The following AP3B2 variants were observed in gnomAD, a reference collection of about 807,000 sequenced individuals.
AP3B2 encodes the protein AP-3 complex subunit beta-2.
Under a neutral mutation model 126.9 loss-of-function variants are expected in AP3B2, and 50 were observed. That is an observed-to-expected ratio of 0.39 (90% CI 0.31 to 0.50). AP3B2 has a LOEUF of 0.50. Among genes scored for constraint, AP3B2 ranks in the 20% least tolerant of loss-of-function variants. The pLI, the probability that AP3B2 is intolerant of heterozygous loss-of-function variation, is 0.79. For missense variants in AP3B2, 1,177 were observed against 1,426.4 expected (o/e 0.83, Z 2.82); for synonymous variants, 541 against 565.0 (o/e 0.96, Z 0.60).
chr15:82,689,978 CAA>C (rs2048498141), intron 1 of AP3B2: 2 of 154,424 alleles, frequency 1.3e-5, no homozygotes, highest in East Asian at 1.9e-4. Context: ...ACACAAAAAA[CAA>C]AAGACAGCCA....
chr15:82,673,001 C>T (rs1439659620), intron 14 of AP3B2, among the ~76,000 whole-genome samples: 2 of 152,182 alleles, frequency 1.3e-5, no homozygotes, highest in Non-Finnish European at 2.9e-5. Context: ...CCAGTACAGC[C>T]TCCAGATAAA....
rs1263488273 is a variant in AP3B2 at position 82,681,822 on chromosome 15, A to G, written c.361-242T>C. ...GGTAGCTTCACTTCCAGAAACACTG[A>G]AAAACTTTCAGAACACCTAAAATTG... On this transcript the variant is annotated intron_variant, in intron 4 of 26. Coordinates refer to ENST00000535359, the MANE Select transcript of AP3B2 (RefSeq NM_001278512.2). The surrounding 1 kb of genome is among the most constrained non-coding windows in gnomAD (Gnocchi z 4.0). Among the ~76,000 whole-genome samples the G allele has an allele frequency of 6.6e-6, 1 of 152,144 alleles. No homozygotes were observed. The highest frequency in any genetic ancestry group is 1.5e-5 in the Non-Finnish European group (1 of 68,030).
At position 82,666,755 on chromosome 15, in the gene AP3B2, G is replaced by T. The variant is rs2048066426; in HGVS notation, c.1844C>A (p.Ser615Tyr). The change falls in exon 15 of 27, where the codon TCC (serine) becomes TAC (tyrosine). Residue 615 changes from serine (S) to tyrosine (Y), a missense_variant. By Grantham distance (144) the Ser-to-Tyr change is moderately radical. This residue lies in a region of AP3B2 where 308 missense variants were observed against 452.4 expected (regional missense o/e 0.68). Transcript: ENST00000535359. ...TTGATTTCAGCTCCCACCTTTGAAG[G>T]ATGACTCCAAGACTGGAGCTGGTTT... ...APKPAPVLES[S>Y]FKDRDHFQLG... 1.2e-6 allele frequency: 2 copies of T among 1,613,456 alleles called. No individual in the cohort carries two copies. Among genetic ancestry groups the T allele is most frequent in the Non-Finnish European group, 1.7e-6 (2 of 1,179,576 alleles).
intron 14 of AP3B2, among the ~76,000 whole-genome samples, chr15:82,667,686 C>G (rs1447524434): frequency 6.6e-6 from 1 of 152,230 alleles, no homozygotes; most frequent in Non-Finnish European, 1.5e-5. Flanking sequence ...CAACTCTGTG[C>G]TAGGTGCTCC....
intron 14 of AP3B2, among the ~76,000 whole-genome samples, chr15:82,670,339 ACTTCAGGTGATCCAC>A (rs2048135704): frequency 1.3e-5 from 2 of 152,078 alleles, no homozygotes; most frequent in African/African-American, 2.4e-5. Flanking sequence ...TGAACTCCTG[ACTTCAGGTGATCCAC>A]CAGCCTCGGC....
At chr15:82,697,913 G>A (rs1218118024) in intron 1 of AP3B2, 1 of 152,418 alleles carries the variant, frequency 6.6e-6, no homozygotes, top group African/African-American at 2.4e-5. Context: ...GCTGAGCTCA[G>A]GACACCAGGG....
At chr15:82,674,493 T>C (rs1193387096) in intron 14 of AP3B2, among the ~76,000 whole-genome samples, 1 of 152,226 alleles carries the variant, frequency 6.6e-6, no homozygotes, top group African/African-American at 2.4e-5. Flanking sequence ...GGGTCATTCC[T>C]AGGGGAGGGT....
intron 21 of AP3B2, 84 bp downstream of exon 21, chr15:82,663,476 A>C: frequency 6.8e-7 from 1 of 1,480,062 alleles, no homozygotes; most frequent in South Asian, 1.2e-5. Flanking sequence ...GACCTGAGGA[A>C]CCCGATCCAG....
intron 2 of AP3B2, 35 bp downstream of exon 2, chr15:82,689,343 C>A: frequency 6.2e-7 from 1 of 1,612,660 alleles, no homozygotes. Context: ...CACCCAGGCC[C>A]CGCCCGGAGG....
chr15:82,688,292 G>A (rs1229066835), intron 4 of AP3B2: 1 of 628,668 alleles, frequency 1.6e-6, no homozygotes, highest in East Asian at 2.7e-5. Flanking sequence ...AATCCAACTA[G>A]AGGCCTTGGG....
chr15:82,660,099 A>G (rs1346005701), intron 25 of AP3B2, 116 bp from the exon 26 acceptor site: 45 of 1,298,520 alleles, frequency 3.5e-5, no homozygotes, highest in Non-Finnish European at 2.1e-6. Context: ...TGCAAAGGGC[A>G]GGTCAGAATT....
In AP3B2 at chr15:82,665,344, A is replaced by T; in HGVS notation, c.1972-41T>A. 1.3e-6 allele frequency: 2 copies of T among 1,582,460 alleles called. No individual in the cohort carries two copies. The highest frequency in any genetic ancestry group is 1.7e-6 in the Non-Finnish European group (2 of 1,168,300). Reference sequence around the variant, plus strand: ...AGGGTGTTAGGAGGGCTGGGCCGGCACTGCCAGGGCTCCCTACTGTCTGCC... The same window carrying T: ...AGGGTGTTAGGAGGGCTGGGCCGGCTCTGCCAGGGCTCCCTACTGTCTGCC... On this transcript the variant is annotated intron_variant, in intron 16 of 26. Transcript: ENST00000535359. This position sits in a 1 kb window ranked among gnomAD's most constrained non-coding sequence, Gnocchi z 4.4.
rs764432679 is a variant in AP3B2 at position 82,661,809 on chromosome 15, C to T, written c.3016+16G>A. On this transcript the variant is annotated intron_variant, in intron 25 of 26. Coordinates refer to ENST00000535359, the MANE Select transcript of AP3B2 (RefSeq NM_001278512.2). ...TTCTATACTTCCCTCTCTGCCCACT[C>T]CCAGGGAGCACTCACCCTGTTCCTT... is the stretch of plus-strand genomic sequence containing the variant. 6.2e-7 allele frequency: 1 copy of T among 1,602,372 alleles called. No individual in the cohort carries two copies. The highest frequency in any genetic ancestry group is 8.5e-7 in the Non-Finnish European group (1 of 1,172,632).
In AP3B2 at chr15:82,665,052, T is replaced by C; in HGVS notation, c.2029-109A>G. On this transcript the variant is annotated intron_variant, in intron 17 of 26. Transcript: ENST00000535359. This position sits in a 1 kb window ranked among gnomAD's most constrained non-coding sequence, Gnocchi z 4.4. ...CCTCTTTGTGAGGCCCTACCTGGTCTGTCCCACAAAGGGAATAACAGAGGA... is the reference window on the plus strand; with the variant it reads ...CCTCTTTGTGAGGCCCTACCTGGTCCGTCCCACAAAGGGAATAACAGAGGA... 2.8e-6 allele frequency: 3 copies of C among 1,056,008 alleles called. No individual in the cohort carries two copies. The South Asian group carries it at 4.3e-5, about 15-fold the overall frequency. 65.4% of individuals were successfully genotyped at this position (1,056,008 alleles called of 1,614,324 possible).
At chr15:82,682,374 C>G (rs960687899) in intron 4 of AP3B2, among the ~76,000 whole-genome samples, 2 of 152,020 alleles carry the variant, frequency 1.3e-5, no homozygotes, top group Non-Finnish European at 2.9e-5. Context: ...TTCTTTATTC[C>G]TACTGCATCC....
chr15:82,694,009 C>T (rs1314703934), intron 1 of AP3B2, among the ~76,000 whole-genome samples: 4 of 135,562 alleles, frequency 3.0e-5, no homozygotes, highest in Non-Finnish European at 3.2e-5. Flanking sequence ...GCCTTTTTTT[C>T]GTTTTTCTGT....
At chr15:82,676,359 A>G in intron 14 of AP3B2, 102 bp downstream of exon 14, 1 of 1,252,178 alleles carries the variant, frequency 8.0e-7, no homozygotes, top group Non-Finnish European at 1.1e-6. Flanking sequence ...CTTTTCCAAA[A>G]TAGGAGCTAG....
In AP3B2 at chr15:82,659,471, A is replaced by G; in HGVS notation, c.*89T>C. The G allele has an allele frequency of 1.5e-6, 2 of 1,321,668 alleles. No homozygotes were observed. Among genetic ancestry groups the G allele is most frequent in the Non-Finnish European group, 2.1e-6 (2 of 957,598 alleles). 81.9% of individuals were successfully genotyped at this position (1,321,668 alleles called of 1,614,324 possible). On this transcript the variant is annotated 3_prime_UTR_variant, in exon 27 of 27. Coordinates refer to ENST00000535359, the MANE Select transcript of AP3B2 (RefSeq NM_001278512.2). ...GCTATCTGGCATGAGGAGGATGATG[A>G]GAGAGAGAGAGAAAGATGAGAGAGA...
Position 82,680,282 on chromosome 15 carries a change from C to G in AP3B2, c.1056-53G>C, listed in dbSNP as rs2048313363. On this transcript the variant is annotated intron_variant, in intron 8 of 26. Coordinates refer to ENST00000535359, the MANE Select transcript of AP3B2 (RefSeq NM_001278512.2). This position sits in a 1 kb window ranked among gnomAD's most constrained non-coding sequence, Gnocchi z 6.1. ...CGGGCCCCTCGGTTGGGGCAAGGGT[C>G]AGCGGATGAGGGGAAAAGGTGGGGC... The G allele has an allele frequency of 2.5e-6, 4 of 1,611,188 alleles. No homozygotes were observed. The highest frequency in any genetic ancestry group is 3.4e-6 in the Non-Finnish European group (4 of 1,178,686).
Sources: gnomAD v4.1 joint callset for allele counts (sites outside exome capture counted in the v4.1 genomes callset) on GRCh38, gnomAD v4.1.1 for gene constraint, gnomAD v4.1.1 regional missense constraint, Gnocchi (gnomAD v3.1) non-coding constraint, MANE v1.5 for transcripts, NCBI Gene and HGNC (gene_info 2026-07-23, HGNC 2026-07-21) for gene names.